Variants in MTUS2 observed in about 807,000 individuals in gnomAD.
The protein encoded by MTUS2 is microtubule associated scaffold protein 2.
In MTUS2, 40 loss-of-function variants were observed where a neutral mutation model predicts 114.1. That is an observed-to-expected ratio of 0.35 (90% CI 0.27 to 0.46). The LOEUF is 0.46. Ranked by LOEUF, MTUS2 falls within the 20% of genes least tolerant of loss-of-function variation. The pLI, the probability that MTUS2 is intolerant of heterozygous loss-of-function variation, is 1.00. For synonymous variants in MTUS2, 688 were observed against 672.0 expected, an observed-to-expected ratio of 1.02 and a Z score of -0.37; for missense variants, 1,679 against 1,705.4, an observed-to-expected ratio of 0.98 and a Z score of 0.27.
In MTUS2 at chr13:29,363,954, G is replaced by A. The variant is rs74042010; in HGVS notation, c.3117+4481G>A. 2.2e-3 allele frequency among the ~76,000 whole-genome samples: 329 copies of A among 152,038 alleles called. 1 individual carries two copies. The highest frequency in any genetic ancestry group is 7.6e-3 in the African/African-American group (315 of 41,342). On this transcript the variant is annotated intron_variant, in intron 8 of 15. Transcript: ENST00000612955. ...TGATGCCTGGGGAAACTGAGGTTTGGGGAGATTGCATAGTCCTCTGAAGAC... is the reference window on the plus strand; with the variant it reads ...TGATGCCTGGGGAAACTGAGGTTTGAGGAGATTGCATAGTCCTCTGAAGAC...
chr13:29,453,066 A>G (rs1160779326), intron 9 of MTUS2, among the ~76,000 whole-genome samples: 2 of 152,190 alleles, frequency 1.3e-5, no homozygotes, highest in African/African-American at 4.8e-5. Context: ...CAAATCACAT[A>G]CCTATTAAGA....
At chr13:28,890,367 G>A (rs1878846448) in intron 2 of MTUS2, among the ~76,000 whole-genome samples, 1 of 152,146 alleles carries the variant, frequency 6.6e-6, no homozygotes, top group Admixed American at 6.5e-5. Context: ...ATTTGATAAT[G>A]TTGCAGCTAG....
At chr13:28,923,989 A>G (rs1293130236) in intron 2 of MTUS2, among the ~76,000 whole-genome samples, 2 of 152,128 alleles carry the variant, frequency 1.3e-5, no homozygotes, top group Admixed American at 1.3e-4. Flanking sequence ...AACTGGGAGC[A>G]GAGTGATTCC....
chr13:29,043,680 C>A (rs571243312), intron 4 of MTUS2, among the ~76,000 whole-genome samples: 1 of 145,040 alleles, frequency 6.9e-6, no homozygotes, highest in Admixed American at 7.1e-5. Flanking sequence ...TGGACTAGTC[C>A]TTTTATCATT....
chr13:29,417,086 C>A (rs912112728), intron 8 of MTUS2, among the ~76,000 whole-genome samples: 14 of 152,284 alleles, frequency 9.2e-5, no homozygotes, highest in Middle Eastern at 3.4e-3. Context: ...GCAGGTTGTG[C>A]AAGCATGGCA....
intron 9 of MTUS2, among the ~76,000 whole-genome samples, chr13:29,445,855 C>G (rs1878238318): frequency 6.6e-6 from 1 of 151,932 alleles, no homozygotes; most frequent in Admixed American, 6.6e-5. Flanking sequence ...TTGCAGTGAG[C>G]CAAGATTGTG....
chr13:29,025,994 A>G lies in MTUS2; in HGVS notation c.1296A>G (p.Pro432=). The part of the protein sequence containing the change: ...LGERTSSSFS[P]GDSHVAFIPN... ...AAAGGACATCCAGCAGCTTTTCACC[A>G]GGTGACAGTCATGTGGCTTTTATTC... Residue 432 remains proline, a synonymous_variant, in exon 3 of 16, where the codon CCA becomes CCG. Coordinates refer to ENST00000612955, the MANE Select transcript of MTUS2 (RefSeq NM_001033602.4). The G allele has an allele frequency of 1.6e-5, 26 of 1,614,052 alleles. No homozygotes were observed. Among genetic ancestry groups the G allele is most frequent in the Non-Finnish European group, 2.1e-5 (25 of 1,179,902 alleles).
intron 2 of MTUS2, among the ~76,000 whole-genome samples, chr13:28,852,397 TATCTGTTAGAAAAAAA>T (rs1181140778): frequency 6.6e-6 from 1 of 152,096 alleles, no homozygotes; most frequent in East Asian, 1.9e-4. Flanking sequence ...ACTCATTAAA[TATCTGTTAGAAAAAAA>T]AGTGAGTGAA....
Position 29,078,726 on chromosome 13 carries a change from G to A in MTUS2, c.2447-22047G>A, listed in dbSNP as rs539070152. Among the ~76,000 whole-genome samples, 4 of 152,226 alleles carry A rather than the reference G, an allele frequency of 2.6e-5. No homozygotes were observed. In the South Asian group the frequency reaches 8.3e-4, roughly 32 times the overall value. Reference sequence around the variant, plus strand: ...GTGTAATGGAATCATATAATATGTGGCCTTTCAAACTTCATCCACATTTCA... The same window carrying A: ...GTGTAATGGAATCATATAATATGTGACCTTTCAAACTTCATCCACATTTCA... On this transcript the variant is annotated intron_variant, in intron 4 of 15. Transcript: ENST00000612955.
At chr13:29,222,130 T>G (rs539749066) in intron 5 of MTUS2, among the ~76,000 whole-genome samples, 29 of 152,320 alleles carry the variant, frequency 1.9e-4, no homozygotes, top group African/African-American at 7.0e-4. Context: ...TTTGATTTTT[T>G]ACAGAAATAA....
chr13:29,493,905 T>A (rs866383749), intron 12 of MTUS2, among the ~76,000 whole-genome samples: 3 of 152,204 alleles, frequency 2.0e-5, no homozygotes, highest in Non-Finnish European at 4.4e-5. Context: ...GGGCATATGT[T>A]TGTTGTGACT....
chr13:28,835,804 G>A (rs527561425), intron 1 of MTUS2, among the ~76,000 whole-genome samples: 49 of 152,300 alleles, frequency 3.2e-4, no homozygotes, highest in African/African-American at 1.2e-3. Flanking sequence ...AACCTGAGAA[G>A]TTACATGTGA....
At chr13:28,921,776 G>T (rs1431098919) in intron 2 of MTUS2, among the ~76,000 whole-genome samples, 3 of 152,200 alleles carry the variant, frequency 2.0e-5, no homozygotes, top group Non-Finnish European at 4.4e-5. Context: ...GGTGCTAGCT[G>T]AGCCCAGCAT....
chr13:29,081,813 A>AGTGTG (rs1889456579), intron 4 of MTUS2, among the ~76,000 whole-genome samples: 2 of 151,874 alleles, frequency 1.3e-5, no homozygotes, highest in Non-Finnish European at 2.9e-5. Context: ...TTTTACCCCA[A>AGTGTG]GTGTGGCAAC....
At chr13:29,378,943 G>A (rs1286219476) in intron 8 of MTUS2, among the ~76,000 whole-genome samples, 4 of 152,166 alleles carry the variant, frequency 2.6e-5, no homozygotes, top group Non-Finnish European at 5.9e-5. Context: ...GATCATGGGG[G>A]TGGTCCCCCC....
chr13:29,346,945 C>T (rs1868756178), intron 7 of MTUS2, among the ~76,000 whole-genome samples: 1 of 151,450 alleles, frequency 6.6e-6, no homozygotes, highest in Admixed American at 6.6e-5. Flanking sequence ...TCAGGCTCCC[C>T]AGTGAGGATG....
intron 5 of MTUS2, among the ~76,000 whole-genome samples, chr13:29,245,960 G>A (rs1212830096): frequency 3.3e-5 from 5 of 152,110 alleles, no homozygotes; most frequent in East Asian, 1.9e-4. Flanking sequence ...GCCTCCCAAA[G>A]TGCTGGGATT....
At chr13:29,337,792 G>GTTTTTT (rs1566139464) in intron 7 of MTUS2, among the ~76,000 whole-genome samples, 3 of 106,576 alleles carry the variant, frequency 2.8e-5, no homozygotes, top group African/African-American at 4.2e-5. Flanking sequence ...TGTTTGTTTT[G>GTTTTTT]GTTTTTTTTT....
At chr13:29,481,575 C>T (rs928611912) in intron 10 of MTUS2, among the ~76,000 whole-genome samples, 2 of 152,084 alleles carry the variant, frequency 1.3e-5, no homozygotes, top group African/African-American at 4.8e-5. Flanking sequence ...CTTCATTGTC[C>T]GAAACCCTTG....
Sources: gnomAD v4.1 joint callset for allele counts (sites outside exome capture counted in the v4.1 genomes callset) on GRCh38, gnomAD v4.1.1 for gene constraint, MANE v1.5 for transcripts, NCBI Gene and HGNC (gene_info 2026-07-23, HGNC 2026-07-21) for gene names.